The following GALNTL6 variants were observed in gnomAD, a reference collection of about 807,000 sequenced individuals.
GALNTL6 encodes the protein polypeptide N-acetylgalactosaminyltransferase-like 6.
In GALNTL6, 46 loss-of-function variants were observed where a neutral mutation model predicts 73.7. The ratio of observed to expected loss-of-function variants is 0.62; its 90% CI spans 0.49 to 0.80. GALNTL6 has a LOEUF of 0.80. Among genes scored for constraint, GALNTL6 ranks in the 30% least tolerant of loss-of-function variants. The probability of loss-of-function intolerance (pLI) is 0.00; values close to 1 mark genes in which losing one functional copy is unlikely to be tolerated. For missense variants in GALNTL6, 604 were observed against 755.0 expected, an observed-to-expected ratio of 0.80 and a Z score of 2.34; for synonymous variants, 259 against 263.7, an observed-to-expected ratio of 0.98 and a Z score of 0.17.
chr4:172,501,136 T>G (rs1298784022), intron 5 of GALNTL6, among the ~76,000 whole-genome samples: 5 of 152,184 alleles, frequency 3.3e-5, no homozygotes, highest in African/African-American at 1.2e-4. Context: ...CTGTATTAGG[T>G]CAATGGATTG....
chr4:172,811,488 A>G lies in GALNTL6; in HGVS notation c.739+1942A>G, dbSNP rs924104473. On this transcript the variant is annotated intron_variant, in intron 6 of 12. Transcript: ENST00000506823. ...AATACCTGCAGGGATGAGAGAAAAA[A>G]TATTCTGGACCCAGCAACAATGGTC... 2.0e-5 allele frequency among the ~76,000 whole-genome samples: 3 copies of G among 152,232 alleles called. No homozygotes were observed. In the South Asian group the frequency reaches 6.2e-4, roughly 32 times the overall value.
chr4:172,590,886 A>G (rs1021481666), intron 5 of GALNTL6, among the ~76,000 whole-genome samples: 3 of 152,176 alleles, frequency 2.0e-5, no homozygotes, highest in Non-Finnish European at 4.4e-5. Context: ...TGATATGTGT[A>G]TGGGGAAATC....
intron 7 of GALNTL6, 48 bp downstream of exon 7, chr4:172,813,771 C>T: frequency 1.4e-6 from 2 of 1,446,806 alleles, no homozygotes; most frequent in Non-Finnish European, 1.9e-6. Context: ...GCAGGTAACT[C>T]ATTGCAGTGT....
intron 5 of GALNTL6, among the ~76,000 whole-genome samples, chr4:172,640,056 T>C (rs938721243): frequency 3.3e-5 from 5 of 152,148 alleles, no homozygotes; most frequent in African/African-American, 1.2e-4. Context: ...TTGTTTTCAA[T>C]GGTTACTGTC....
chr4:172,989,131 A>G (rs1751429922), intron 10 of GALNTL6, among the ~76,000 whole-genome samples: 1 of 152,194 alleles, frequency 6.6e-6, no homozygotes, highest in African/African-American at 2.4e-5. Context: ...CACTGTGCAC[A>G]TGGAAAAGCT....
intron 2 of GALNTL6, among the ~76,000 whole-genome samples, chr4:171,937,464 G>A (rs766364668): frequency 1.3e-5 from 2 of 152,108 alleles, no homozygotes; most frequent in African/African-American, 4.8e-5. Flanking sequence ...CTATAAAAGA[G>A]CATGTGATTT....
chr4:172,300,772 C>G (rs1739882395), intron 3 of GALNTL6, among the ~76,000 whole-genome samples: 1 of 152,078 alleles, frequency 6.6e-6, no homozygotes, highest in South Asian at 2.1e-4. Context: ...TTGTGGTAAC[C>G]CGACCTTTCT....
intron 5 of GALNTL6, among the ~76,000 whole-genome samples, chr4:172,562,798 TCA>T (rs1736423250): frequency 6.6e-6 from 1 of 152,140 alleles, no homozygotes. Context: ...TTAGAGTAAA[TCA>T]CAGAGTTTGC....
At chr4:172,689,078 AGTGTTAGAAGTTATATATGCTT>A (rs1373833086) in intron 5 of GALNTL6, among the ~76,000 whole-genome samples, 4 of 152,204 alleles carry the variant, frequency 2.6e-5, no homozygotes, top group African/African-American at 7.2e-5. Flanking sequence ...CCAGTATGCT[AGTGTTAGAAGTTATATATGCTT>A]GTGTTAGAAG....
rs1372246040 is a variant in GALNTL6, at chr4:171,905,633, C to G, written c.138+90915C>G. Among the ~76,000 whole-genome samples, 5 of 149,994 alleles carry G rather than the reference C, an allele frequency of 3.3e-5. 1 individual carries two copies. Among genetic ancestry groups the G allele is most frequent in the African/African-American group, 1.0e-4 (4 of 39,502 alleles). On this transcript the variant is annotated intron_variant, in intron 2 of 12. Transcript: ENST00000506823. ...CCCAGGAATTGAACTCAGCTCTGCA[C>G]CAAGTGGACCTAATAGACATCTACA... is the stretch of plus-strand genomic sequence containing the variant.
intron 2 of GALNTL6, among the ~76,000 whole-genome samples, chr4:172,198,062 G>T (rs1017589046): frequency 6.6e-6 from 1 of 152,080 alleles, no homozygotes; most frequent in East Asian, 1.9e-4. Context: ...AGTGAGCCAA[G>T]ATTGTGCCAC....
chr4:171,850,674 ATC>A (rs1319013852), intron 2 of GALNTL6, among the ~76,000 whole-genome samples: 1 of 152,126 alleles, frequency 6.6e-6, no homozygotes, highest in Non-Finnish European at 1.5e-5. Flanking sequence ...TAGTCTTATG[ATC>A]TCTGTTTTAA....
intron 2 of GALNTL6, among the ~76,000 whole-genome samples, chr4:172,223,036 A>G (rs713349): frequency 0.51 from 77,632 of 151,750 alleles, 21,742 homozygotes; most frequent in East Asian, 0.86. Context: ...TCCAGATTCT[A>G]TTGAAAAATT....
At chr4:172,316,279 A>AT (rs1170327864) in intron 4 of GALNTL6, among the ~76,000 whole-genome samples, 1 of 152,106 alleles carries the variant, frequency 6.6e-6, no homozygotes, top group Non-Finnish European at 1.5e-5. Context: ...TATGAGTTTC[A>AT]TTTTTTTGGC....
chr4:172,051,660 G>A (rs72986504), intron 2 of GALNTL6, among the ~76,000 whole-genome samples: 9,398 of 152,092 alleles, frequency 0.062, 440 homozygotes, highest in East Asian at 0.24. Context: ...CTCCTCATAG[G>A]TTCTGTAGCA....
chr4:172,968,182 C>A (rs953099114), intron 10 of GALNTL6, among the ~76,000 whole-genome samples: 2 of 152,092 alleles, frequency 1.3e-5, no homozygotes, highest in Non-Finnish European at 2.9e-5. Context: ...GCAGCAGATC[C>A]AGTGTGGGGC....
At chr4:172,753,846 T>A (rs6853958) in intron 5 of GALNTL6, among the ~76,000 whole-genome samples, 145,439 of 152,126 alleles carry the variant, frequency 0.96, 69,857 homozygotes, top group East Asian at 1. Flanking sequence ...GTTTGCTTGG[T>A]TCAAAAAAAA....
At chr4:172,729,461 GTT>G (rs575867347) in intron 5 of GALNTL6, among the ~76,000 whole-genome samples, 1 of 152,202 alleles carries the variant, frequency 6.6e-6, no homozygotes, top group African/African-American at 2.4e-5. Flanking sequence ...TAGTTACCCA[GTT>G]TTCCCAGCAC....
chr4:172,448,276 C>A (rs1369874887), intron 5 of GALNTL6, among the ~76,000 whole-genome samples: 1 of 152,168 alleles, frequency 6.6e-6, no homozygotes, highest in Non-Finnish European at 1.5e-5. Context: ...CTAGATCTTA[C>A]TTCTGTGGTT....
Sources: gnomAD v4.1 joint callset for allele counts (sites outside exome capture counted in the v4.1 genomes callset) on GRCh38, gnomAD v4.1.1 for gene constraint, MANE v1.5 for transcripts, NCBI Gene and HGNC (gene_info 2026-07-23, HGNC 2026-07-21) for gene names.